The following TMPRSS11B variants were observed in gnomAD, a reference collection of about 807,000 sequenced individuals.
The protein encoded by TMPRSS11B is transmembrane protease serine 11B.
In TMPRSS11B, 53 loss-of-function variants were observed where a neutral mutation model predicts 44.7. That is an observed-to-expected ratio of 1.19 (90% CI 0.95 to 1.49). The LOEUF (loss-of-function observed/expected upper bound fraction) is 1.49, where lower values mean the gene tolerates loss of function less well. Among genes scored for constraint, TMPRSS11B ranks in the 40% most tolerant of loss-of-function variants. The pLI is 0.00. For synonymous variants in TMPRSS11B, 140 were observed against 159.2 expected (o/e 0.88, Z 0.91); for missense variants, 526 against 494.8 (o/e 1.06, Z -0.60).
chr4:68,242,989 G>A (rs1719901553), intron 1 of TMPRSS11B, among the ~76,000 whole-genome samples: 2 of 152,152 alleles, frequency 1.3e-5, no homozygotes, highest in Admixed American at 6.5e-5. Context: ...AAATATGGTG[G>A]TTCGGCATCA....
chr4:68,245,432 C>G (rs2109968221), intron 1 of TMPRSS11B, 119 bp downstream of exon 1: 1 of 1,075,578 alleles, frequency 9.3e-7, no homozygotes, highest in East Asian at 2.4e-5. Flanking sequence ...TGTTTCTTAA[C>G]AGTGTCCAGG....
chr4:68,242,614 G>A (rs528734417), intron 1 of TMPRSS11B, among the ~76,000 whole-genome samples: 1 of 148,516 alleles, frequency 6.7e-6, no homozygotes, highest in East Asian at 2.0e-4. Flanking sequence ...CTGTCATCCA[G>A]GCTGGAGTGC....
At chr4:68,234,647 A>G (rs900826749) in intron 4 of TMPRSS11B, 24 bp from the exon 5 acceptor site, 4 of 1,610,894 alleles carry the variant, frequency 2.5e-6, no homozygotes, top group Non-Finnish European at 3.4e-6. Flanking sequence ...AAATTTTCTA[A>G]TGTACTGTTT....
chr4:68,235,215 T>G lies in TMPRSS11B; in HGVS notation c.309-592A>C, dbSNP rs187774389. 3.3e-5 allele frequency among the ~76,000 whole-genome samples: 5 copies of G among 152,316 alleles called. No individual in the cohort carries two copies. In the East Asian group the frequency reaches 9.6e-4, roughly 29 times the overall value. ...TAATCAGGAAAAGAGATTAATTCAT[T>G]TTGGAAGACTTTCAAACCAAAGCCA... On this transcript the variant is annotated intron_variant, in intron 4 of 9. Transcript: ENST00000332644.
At chr4:68,236,373 A>T (rs1157243477) in intron 2 of TMPRSS11B, 107 bp from the exon 3 acceptor site, 5 of 688,454 alleles carry the variant, frequency 7.3e-6, no homozygotes, top group Non-Finnish European at 9.9e-6. Flanking sequence ...GAAATAATCC[A>T]TTTATACCTC....
In TMPRSS11B at chr4:68,227,146, T is replaced by A. The variant is rs975516875; in HGVS notation, c.*765A>T. The A allele has an allele frequency of 1.3e-5, 2 of 152,212 alleles. No individual in the cohort carries two copies. The highest frequency in any genetic ancestry group is 2.9e-5 in the Non-Finnish European group (2 of 68,046). 9.4% of individuals were successfully genotyped at this position (152,212 alleles called of 1,614,324 possible). On this transcript the variant is annotated 3_prime_UTR_variant, in exon 10 of 10. Transcript: ENST00000332644. Reference sequence around the variant, plus strand: ...TGCATGATTTTGTGAGGTACATGAATCATTTCACATATAAGTTAAAAAGTA... The same window carrying A: ...TGCATGATTTTGTGAGGTACATGAAACATTTCACATATAAGTTAAAAAGTA...
chr4:68,239,852 A>T (rs1289026087), intron 2 of TMPRSS11B, among the ~76,000 whole-genome samples: 2 of 152,188 alleles, frequency 1.3e-5, no homozygotes, highest in Non-Finnish European at 2.9e-5. Flanking sequence ...ACACTACTTC[A>T]AAAGAGCTCG....
chr4:68,242,209 T>TAATTGCAGATGGAA (rs1719846086), intron 1 of TMPRSS11B, among the ~76,000 whole-genome samples: 3 of 31,260 alleles, frequency 9.6e-5, no homozygotes, highest in African/African-American at 3.2e-4. Context: ...TATAATATAA[T>TAATTGCAGATGGAA]ATATATAATA....
At chr4:68,240,744 T>C (rs559560413) in intron 2 of TMPRSS11B, among the ~76,000 whole-genome samples, 1 of 152,170 alleles carries the variant, frequency 6.6e-6, no homozygotes, top group East Asian at 1.9e-4. Flanking sequence ...ATTACCCTTC[T>C]GAAAGACAAG....
intron 5 of TMPRSS11B, among the ~76,000 whole-genome samples, chr4:68,233,499 C>T (rs1012970184): frequency 6.6e-6 from 1 of 152,006 alleles, no homozygotes; most frequent in African/African-American, 2.4e-5. Flanking sequence ...GAGGCAAAAT[C>T]TTATCATTTT....
chr4:68,233,641 T>C (rs1013407422), intron 5 of TMPRSS11B, among the ~76,000 whole-genome samples: 2 of 152,100 alleles, frequency 1.3e-5, no homozygotes, highest in Non-Finnish European at 1.5e-5. Flanking sequence ...CTTTTACCAA[T>C]AGGAAAAAGA....
intron 7 of TMPRSS11B, among the ~76,000 whole-genome samples, 183 bp downstream of exon 7, chr4:68,231,020 T>A (rs1340774029): frequency 2.7e-5 from 2 of 73,876 alleles, no homozygotes; most frequent in Admixed American, 1.8e-4. Flanking sequence ...TTTTCTCTCC[T>A]TTCTCTAATT....
At chr4:68,229,819 T>C (rs995656793) in intron 7 of TMPRSS11B, 10 of 237,010 alleles carry the variant, frequency 4.2e-5, no homozygotes, top group Non-Finnish European at 7.4e-5. Flanking sequence ...AGGAATCACA[T>C]GAGCGTCCTC....
At chr4:68,240,316 C>G (rs1432516814) in intron 2 of TMPRSS11B, among the ~76,000 whole-genome samples, 1 of 152,148 alleles carries the variant, frequency 6.6e-6, no homozygotes, top group Non-Finnish European at 1.5e-5. Context: ...ACATTTACCA[C>G]AGCGTTTGTG....
At chr4:68,234,302 C>T (rs1719600151) in intron 5 of TMPRSS11B, among the ~76,000 whole-genome samples, 161 bp downstream of exon 5, 1 of 152,158 alleles carries the variant, frequency 6.6e-6, no homozygotes, top group Non-Finnish European at 1.5e-5. Flanking sequence ...TTCCATGGCA[C>T]TGCCCTTTCC....
intron 1 of TMPRSS11B, among the ~76,000 whole-genome samples, chr4:68,242,114 T>G (rs1352080188): frequency 1.4e-5 from 2 of 141,550 alleles, no homozygotes; most frequent in African/African-American, 5.3e-5. Context: ...AAAACATTAG[T>G]TGTAGTCTGA....
chr4:68,245,239 G>A (rs1441877292), intron 1 of TMPRSS11B, among the ~76,000 whole-genome samples: 2 of 151,964 alleles, frequency 1.3e-5, no homozygotes, highest in Non-Finnish European at 1.5e-5. Context: ...GAATAAAAAC[G>A]GTAGCGTTCT....
chr4:68,244,126 G>A (rs975843455), intron 1 of TMPRSS11B, among the ~76,000 whole-genome samples: 3 of 152,008 alleles, frequency 2.0e-5, no homozygotes, highest in African/African-American at 7.2e-5. Context: ...ATCAAAAAAT[G>A]TCCATTCATG....
Position 68,228,822 on chromosome 4 carries a change from C to T in TMPRSS11B, c.1009G>A (p.Ala337Thr), listed in dbSNP as rs2109953941. 6.2e-7 allele frequency: 1 copy of T among 1,613,764 alleles called. No individual in the cohort carries two copies. The highest frequency in any genetic ancestry group is 1.1e-5 in the South Asian group (1 of 90,972). Reference protein sequence around the residue: ...LKIIDNKICNASYAYSGFVTD... With the variant: ...LKIIDNKICNTSYAYSGFVTD... ...ACAAAGCCAGAGTATGCATATGAGG[C>T]ATTGCAAATTTTGTTGTCAATAATC... is the stretch of plus-strand genomic sequence containing the variant. Residue 337 changes from alanine to threonine, a missense_variant, in exon 9 of 10, where the codon GCC (alanine) becomes ACC (threonine). By Grantham distance (58) the Ala-to-Thr change is moderately conservative. Transcript: ENST00000332644.
Sources: gnomAD v4.1 joint callset for allele counts (sites outside exome capture counted in the v4.1 genomes callset) on GRCh38, gnomAD v4.1.1 for gene constraint, MANE v1.5 for transcripts, NCBI Gene and HGNC (gene_info 2026-07-23, HGNC 2026-07-21) for gene names.